FOXO1: variants seen among roughly 807,000 people sequenced by gnomAD.
FOXO1 encodes forkhead box protein O1.
In FOXO1, 6 loss-of-function variants were observed where a neutral mutation model predicts 44.1. That is an observed-to-expected ratio of 0.14 (90% confidence interval 0.07 to 0.27). The LOEUF is 0.27. Ranked by LOEUF, FOXO1 falls within the 10% of genes least tolerant of loss-of-function variation. The pLI is 1.00. For synonymous variants in FOXO1, 380 were observed against 362.7 expected (o/e 1.05, Z -0.54); for missense variants, 737 against 888.8 (o/e 0.83, Z 2.17).
At position 40,559,801 on chromosome 13, in the gene FOXO1, C is replaced by G; in HGVS notation, c.1690G>C (p.Val564Leu). 3 of 1,613,974 alleles carry G rather than the reference C, an allele frequency of 1.9e-6. No individual in the cohort carries two copies. Among genetic ancestry groups the G allele is most frequent in the Non-Finnish European group, 2.5e-6 (3 of 1,179,924 alleles). ...RLTQVKTPVQ[V>L]PLPHPMQMSA... ...ATCTGCATGGGGTGGGGCAGAGGCA[C>G]TTGTACAGGTGTCTTCACTTGGGTC... The change falls in exon 2 of 3, where the codon GTG (valine) becomes CTG (leucine). Residue 564 changes from valine (V) to leucine (L), a missense_variant. This residue lies in a region of FOXO1 where 283 missense variants were observed against 278.1 expected (regional missense o/e 1.02). Coordinates refer to ENST00000379561, the MANE Select transcript of FOXO1 (RefSeq NM_002015.4).
chr13:40,564,282 TAAA>T (rs61574102), intron 1 of FOXO1, among the ~76,000 whole-genome samples: 1 of 145,532 alleles, frequency 6.9e-6, no homozygotes. Flanking sequence ...ATTTAGACTT[TAAA>T]AAAAAAAAAG....
At chr13:40,569,225 T>G (rs1874386773) in intron 1 of FOXO1, among the ~76,000 whole-genome samples, 1 of 152,232 alleles carries the variant, frequency 6.6e-6, no homozygotes, top group Admixed American at 6.5e-5. Flanking sequence ...AGAAGCTTCA[T>G]GGACTTGGGA....
At chr13:40,635,459 G>A (rs990275266) in intron 1 of FOXO1, among the ~76,000 whole-genome samples, 3 of 152,062 alleles carry the variant, frequency 2.0e-5, no homozygotes, top group African/African-American at 2.4e-5. Context: ...GCATCCATGG[G>A]GACCAGGTAG....
At chr13:40,649,249 A>C (rs909959740) in intron 1 of FOXO1, among the ~76,000 whole-genome samples, 3 of 152,232 alleles carry the variant, frequency 2.0e-5, no homozygotes, top group Non-Finnish European at 4.4e-5. Context: ...TCTTGAAAAG[A>C]ATCCCTCTGA....
chr13:40,641,068 G>A (rs1753574315), intron 1 of FOXO1, among the ~76,000 whole-genome samples: 1 of 152,194 alleles, frequency 6.6e-6, no homozygotes, highest in African/African-American at 2.4e-5. Context: ...ACAGGCGTGA[G>A]CCATCGTGCC....
chr13:40,650,456 C>T (rs960696432), intron 1 of FOXO1, among the ~76,000 whole-genome samples: 4 of 152,150 alleles, frequency 2.6e-5, no homozygotes, highest in African/African-American at 9.7e-5. Flanking sequence ...GGTTCACACG[C>T]CTCTTGACAA....
At chr13:40,659,790 C>T (rs993846128) in intron 1 of FOXO1, among the ~76,000 whole-genome samples, 6 of 152,038 alleles carry the variant, frequency 3.9e-5, no homozygotes, top group African/African-American at 9.7e-5. Context: ...AGGGAGAAGA[C>T]GGAATAGAGT....
chr13:40,607,131 T>C (rs1385714425), intron 1 of FOXO1, among the ~76,000 whole-genome samples: 1 of 152,202 alleles, frequency 6.6e-6, no homozygotes, highest in Non-Finnish European at 1.5e-5. Context: ...AAGTGAGATC[T>C]CCCTATGTCT....
chr13:40,577,486 T>G (rs553578843), intron 1 of FOXO1, among the ~76,000 whole-genome samples: 1 of 152,198 alleles, frequency 6.6e-6, no homozygotes, highest in South Asian at 2.1e-4. Context: ...TTCAAATATT[T>G]TGTAGAATGG....
Position 40,665,826 on chromosome 13 carries a change from C to G in FOXO1, c.387G>C (p.Gly129=), listed in dbSNP as rs1593422094. The G allele has an allele frequency of 5.1e-6, 6 of 1,178,064 alleles. No individual in the cohort carries two copies. The highest frequency in any genetic ancestry group is 6.3e-6 in the Non-Finnish European group (6 of 950,814). 73.0% of individuals were successfully genotyped at this position (1,178,064 alleles called of 1,614,324 possible). ...GCACCGGCGGGTGCTGCGACAGCGGCCCGGGCGGCGGGGGCTGCGGTGGCG... is the reference window on the plus strand; with the variant it reads ...GCACCGGCGGGTGCTGCGACAGCGGGCCGGGCGGCGGGGGCTGCGGTGGCG... ...HPAPPQPPPP[G]PLSQHPPVPP... is the part of the protein sequence containing the mutation. Residue 129 remains glycine (G), a synonymous_variant, in exon 1 of 3, where the codon GGG becomes GGC. Coordinates refer to ENST00000379561, the MANE Select transcript of FOXO1 (RefSeq NM_002015.4).
intron 1 of FOXO1, among the ~76,000 whole-genome samples, chr13:40,564,687 A>G (rs368561527): frequency 3.5e-4 from 54 of 152,122 alleles, no homozygotes; most frequent in African/African-American, 1.2e-3. Context: ...ACTCTCAACA[A>G]ATATTACCTG....
Position 40,666,006 on chromosome 13 carries a change from G to C in FOXO1, c.207C>G (p.Asp69Glu). The stretch of plus-strand genomic sequence containing the variant: ...CCAGCAAGCTCAGGTTGCTCATGAA[G>C]TCGGCGCTGACAGCGGCAGCCGAGG... ...PSASAAAVSA[D>E]FMSNLSLLEE... Residue 69 changes from aspartate (D) to glutamate (E), a missense_variant, in exon 1 of 3, where the codon GAC becomes GAG. Asp to Glu is a conservative substitution (Grantham distance 45). Transcript: ENST00000379561. 7.9e-7 allele frequency: 1 copy of C among 1,268,454 alleles called. No homozygotes were observed. Among genetic ancestry groups the C allele is most frequent in the South Asian group, 2.8e-5 (1 of 36,200 alleles). 78.6% of individuals were successfully genotyped at this position (1,268,454 alleles called of 1,614,324 possible).
chr13:40,616,789 C>T (rs1394346551), intron 1 of FOXO1, among the ~76,000 whole-genome samples: 1 of 151,992 alleles, frequency 6.6e-6, no homozygotes, highest in African/African-American at 2.4e-5. Flanking sequence ...CTGAAGTAGA[C>T]CAAGGAATGA....
Position 40,555,941 on chromosome 13 carries a change from A to C in FOXO1, c.*3108T>G, listed in dbSNP as rs565604388. 6.5e-6 allele frequency: 1 copy of C among 152,684 alleles called. No individual in the cohort carries two copies. The highest frequency in any genetic ancestry group is 2.4e-5 in the African/African-American group (1 of 41,576). The allele number at this position is 152,684 out of a possible 1,614,324, so 9.5% of individuals were successfully genotyped here. On this transcript the variant is annotated 3_prime_UTR_variant, in exon 3 of 3. Transcript: ENST00000379561. Reference sequence around the variant, plus strand: ...GGAGGCATGACTACGTCCTGATGGGACTTACATGGCCACCCCTGGCCACAC... The same window carrying C: ...GGAGGCATGACTACGTCCTGATGGGCCTTACATGGCCACCCCTGGCCACAC...
chr13:40,638,182 T>C (rs1170124485), intron 1 of FOXO1, among the ~76,000 whole-genome samples: 1 of 152,192 alleles, frequency 6.6e-6, no homozygotes, highest in Admixed American at 6.5e-5. Context: ...AGGATTGGTT[T>C]AGGGTCAGTT....
intron 1 of FOXO1, among the ~76,000 whole-genome samples, chr13:40,592,336 G>C (rs1875407397): frequency 3.3e-5 from 5 of 152,164 alleles, no homozygotes; most frequent in Admixed American, 3.3e-4. Flanking sequence ...AGAGAAAGTT[G>C]CTCTCAGCTC....
chr13:40,649,259 A>G (rs9549248), intron 1 of FOXO1, among the ~76,000 whole-genome samples: 117 of 152,316 alleles, frequency 7.7e-4, no homozygotes, highest in Non-Finnish European at 1.5e-3. Flanking sequence ...AATCCCTCTG[A>G]TGCATTACTC....
chr13:40,572,410 T>TTCTC (rs1874566106), intron 1 of FOXO1, among the ~76,000 whole-genome samples: 1 of 151,184 alleles, frequency 6.6e-6, no homozygotes, highest in Non-Finnish European at 1.5e-5. Flanking sequence ...ATGTGTTTTT[T>TTCTC]CTATTTTGGG....
intron 1 of FOXO1, among the ~76,000 whole-genome samples, chr13:40,599,876 A>G (rs1875753462): frequency 6.6e-6 from 1 of 152,174 alleles, no homozygotes; most frequent in African/African-American, 2.4e-5. Context: ...TTATAATTAA[A>G]GTGATGTGTC....
Sources: gnomAD v4.1 joint callset for allele counts (sites outside exome capture counted in the v4.1 genomes callset) on GRCh38, gnomAD v4.1.1 for gene constraint, gnomAD v4.1.1 regional missense constraint, MANE v1.5 for transcripts, NCBI Gene and HGNC (gene_info 2026-07-23, HGNC 2026-07-21) for gene names.